Variants in LDLRAD4 observed in about 807,000 individuals in gnomAD.
The protein encoded by LDLRAD4 is low-density lipoprotein receptor class A domain-containing protein 4.
LDLRAD4 carries 5 observed loss-of-function variants against 17.0 expected under a neutral mutation model. The observed-to-expected ratio is 0.29, with a 90% CI of 0.15 to 0.62. LDLRAD4 has a LOEUF of 0.62. Ranked by LOEUF, LDLRAD4 falls within the 20% of genes least tolerant of loss-of-function variation. The pLI, the probability that LDLRAD4 is intolerant of heterozygous loss-of-function variation, is 0.84. For synonymous variants in LDLRAD4, 168 were observed against 171.8 expected, an observed-to-expected ratio of 0.98 and a Z score of 0.17; for missense variants, 340 against 424.7, an observed-to-expected ratio of 0.80 and a Z score of 1.75.
chr18:13,456,971 C>A (rs1031091302), intron 3 of LDLRAD4, among the ~76,000 whole-genome samples: 1 of 152,210 alleles, frequency 6.6e-6, no homozygotes, highest in African/African-American at 2.4e-5. Context: ...AAACCCTCAC[C>A]CTGTGTTTTT....
At chr18:13,268,883 A>G (rs969052901) in intron 1 of LDLRAD4, among the ~76,000 whole-genome samples, 2 of 152,274 alleles carry the variant, frequency 1.3e-5, no homozygotes, top group Non-Finnish European at 2.9e-5. Context: ...GATTTAAAAA[A>G]TGAAGACAGT....
At chr18:13,225,282 T>C (rs530723219) in intron 1 of LDLRAD4, among the ~76,000 whole-genome samples, 31 of 152,236 alleles carry the variant, frequency 2.0e-4, no homozygotes, top group Non-Finnish European at 4.4e-4. Context: ...GCACATATCA[T>C]GGGCCTAGCA....
rs114269363 is a variant in LDLRAD4, at chr18:13,409,130, C to T, written c.40+21368C>T. The stretch of plus-strand genomic sequence containing the variant: ...TTCTGCCTGTTTTCCACATTACCTC[C>T]GTGACATGGTATAATCACACTGTTT... On this transcript the variant is annotated intron_variant, in intron 2 of 5. Coordinates refer to ENST00000359446, the Ensembl canonical transcript of LDLRAD4. Among the ~76,000 whole-genome samples the T allele has an allele frequency of 3.7e-3, 567 of 152,278 alleles. 4 individuals carry two copies. Among genetic ancestry groups the T allele is most frequent in the African/African-American group, 0.013 (539 of 41,548 alleles).
At chr18:13,256,718 G>T (rs569415881) in intron 1 of LDLRAD4, among the ~76,000 whole-genome samples, 1 of 152,314 alleles carries the variant, frequency 6.6e-6, no homozygotes, top group African/African-American at 2.4e-5. Flanking sequence ...TTGAAAACGA[G>T]AGCCCTGGTA....
intron 2 of LDLRAD4, among the ~76,000 whole-genome samples, chr18:13,404,588 G>A (rs1405747100): frequency 2.6e-5 from 4 of 152,124 alleles, no homozygotes; most frequent in East Asian, 1.9e-4. Flanking sequence ...ACGAGGTCAG[G>A]AGATCGAGAC....
chr18:13,532,468 T>C lies in LDLRAD4; in HGVS notation c.182-88649T>C, dbSNP rs181448974. On this transcript the variant is annotated intron_variant, in intron 3 of 5. Transcript: ENST00000359446. The stretch of plus-strand genomic sequence containing the variant: ...GGCCCAGATACAAGCGACCGCGTAG[T>C]TGGGAGAAGAGCAATGCTGGAACAG... 1.3e-4 allele frequency among the ~76,000 whole-genome samples: 20 copies of C among 151,976 alleles called. No homozygotes were observed. The East Asian group carries it at 3.9e-3, about 29-fold the overall frequency.
At position 13,224,641 on chromosome 18, in the gene LDLRAD4, G is replaced by A. The variant is rs377298529; in HGVS notation, c.-467+5653G>A. Among the ~76,000 whole-genome samples the A allele has an allele frequency of 5.2e-4, 78 of 151,312 alleles. No homozygotes were observed. In the South Asian group the frequency reaches 0.015, roughly 29 times the overall value. On this transcript the variant is annotated intron_variant, in intron 1 of 5. Transcript: ENST00000399848. The stretch of plus-strand genomic sequence containing the variant: ...ATTACAGGCACGTGCCACCACGCCC[G>A]GCTAATTTTTTCATATTTTTAGTAG...
At chr18:13,307,230 C>T (rs1168281466) in intron 1 of LDLRAD4, among the ~76,000 whole-genome samples, 4 of 152,102 alleles carry the variant, frequency 2.6e-5, no homozygotes, top group Admixed American at 6.5e-5. Flanking sequence ...TTTCCTGTCC[C>T]GGTTCCCACC....
intron 1 of LDLRAD4, among the ~76,000 whole-genome samples, chr18:13,336,381 G>C (rs1365403413): frequency 6.6e-6 from 1 of 152,152 alleles, no homozygotes; most frequent in African/African-American, 2.4e-5. Flanking sequence ...TCAGGATGTA[G>C]ATTTAAATCT....
chr18:13,616,250 G>GT (rs1491293422), intron 3 of LDLRAD4: 5 of 47,102 alleles, frequency 1.1e-4, no homozygotes, highest in Admixed American at 6.2e-4. Flanking sequence ...GGGAGGACAG[G>GT]TGGGGGGGGG....
chr18:13,520,502 T>C (rs1332005065), intron 3 of LDLRAD4: 1 of 152,204 alleles, frequency 6.6e-6, no homozygotes, highest in African/African-American at 2.4e-5. Flanking sequence ...AATGTCCACA[T>C]AGGAAGTGCT....
chr18:13,377,199 C>T (rs1488548459), intron 1 of LDLRAD4, among the ~76,000 whole-genome samples: 3 of 152,242 alleles, frequency 2.0e-5, no homozygotes, highest in Non-Finnish European at 2.9e-5. Flanking sequence ...GTAACATCAA[C>T]GCCAGAGCCA....
chr18:13,588,744 C>G (rs1345447020), intron 3 of LDLRAD4, among the ~76,000 whole-genome samples: 1 of 152,106 alleles, frequency 6.6e-6, no homozygotes, highest in Non-Finnish European at 1.5e-5. Context: ...ACACAATCCA[C>G]TCATGTCACC....
At chr18:13,327,402 C>T (rs753800130) in intron 1 of LDLRAD4, among the ~76,000 whole-genome samples, 13 of 151,818 alleles carry the variant, frequency 8.6e-5, no homozygotes, top group Admixed American at 4.6e-4. Flanking sequence ...AGCACCACCA[C>T]GTGGAAAGGT....
chr18:13,388,767 C>T (rs1030813409), intron 2 of LDLRAD4, among the ~76,000 whole-genome samples: 9 of 152,218 alleles, frequency 5.9e-5, no homozygotes, highest in Non-Finnish European at 1.0e-4. Flanking sequence ...GATGGAGCGC[C>T]GCTGTGGTGC....
chr18:13,252,917 G>T (rs1445112337), intron 1 of LDLRAD4, among the ~76,000 whole-genome samples: 2 of 152,190 alleles, frequency 1.3e-5, no homozygotes, highest in African/African-American at 4.8e-5. Context: ...GTGTCTTGTT[G>T]TTTTGCTGGT....
chr18:13,289,130 A>T (rs2045821766), intron 1 of LDLRAD4, among the ~76,000 whole-genome samples: 1 of 152,226 alleles, frequency 6.6e-6, no homozygotes, highest in Non-Finnish European at 1.5e-5. Flanking sequence ...TATTTTCCAC[A>T]TGGCTGTAAA....
chr18:13,602,999 A>C (rs2095181860), intron 3 of LDLRAD4, among the ~76,000 whole-genome samples: 1 of 152,210 alleles, frequency 6.6e-6, no homozygotes, highest in Admixed American at 6.5e-5. Flanking sequence ...AACAAATTTA[A>C]AACAGTGAAA....
intron 1 of LDLRAD4, among the ~76,000 whole-genome samples, chr18:13,270,590 T>C (rs1464289815): frequency 2.0e-5 from 3 of 152,214 alleles, no homozygotes; most frequent in Non-Finnish European, 2.9e-5. Flanking sequence ...AGGACTTTAT[T>C]TGCAAAGTTT....
Sources: allele counts gnomAD v4.1 joint callset (sites outside exome capture counted in the v4.1 genomes callset), GRCh38; gene constraint gnomAD v4.1.1; transcripts MANE v1.5; gene names NCBI Gene and HGNC (gene_info 2026-07-23, HGNC 2026-07-21).